LAMA2: variants seen among roughly 807,000 people sequenced by gnomAD.
LAMA2 encodes the protein laminin subunit alpha-2.
Under a neutral mutation model 364.8 loss-of-function variants are expected in LAMA2, and 269 were observed. The observed-to-expected ratio is 0.74, with a 90% CI of 0.67 to 0.82. The LOEUF (loss-of-function observed/expected upper bound fraction) is 0.82. LAMA2 is among the 40% of genes least tolerant of loss of function. The pLI is 0.00. For synonymous variants in LAMA2, 1,379 were observed against 1,370.6 expected, an observed-to-expected ratio of 1.01 and a Z score of -0.14; for missense variants, 3,807 against 3,873.2, an observed-to-expected ratio of 0.98 and a Z score of 0.45.
intron 34 of LAMA2, among the ~76,000 whole-genome samples, chr6:129,370,607 C>A (rs1221735246): frequency 6.6e-6 from 1 of 152,100 alleles, no homozygotes; most frequent in African/African-American, 2.4e-5. Flanking sequence ...CATCTTGTGG[C>A]CAGAAATATG....
chr6:129,200,506 G>GTGTATGTACACATATATA, intron 12 of LAMA2, among the ~76,000 whole-genome samples: 1 of 150,562 alleles, frequency 6.6e-6, no homozygotes, highest in East Asian at 2.0e-4. Context: ...ACATATATAT[G>GTGTATGTACACATATATA]TGTGTGTATA....
In LAMA2 at chr6:129,315,783, C is replaced by T. The variant is rs747856074; in HGVS notation, c.3757C>T (p.Leu1253Phe). 2.5e-6 allele frequency: 4 copies of T among 1,614,112 alleles called. No individual in the cohort carries two copies. Among genetic ancestry groups the T allele is most frequent in the Non-Finnish European group, 3.4e-6 (4 of 1,180,032 alleles). ...TCAGTTGATGGCCTATGGGGGCAAA[C>T]TCAAGTATGCAATCTATTTCGAGGC... ...GKKLMAYGGK[L>F]KYAIYFEARE... Residue 1253 changes from leucine to phenylalanine, a missense_variant, in exon 26 of 65, where the codon CTC (leucine) becomes TTC (phenylalanine). By Grantham distance (22) the Leu-to-Phe change is conservative (BLOSUM62 0). Coordinates refer to ENST00000421865, the MANE Select transcript of LAMA2 (RefSeq NM_000426.4).
intron 9 of LAMA2, 62 bp downstream of exon 9, chr6:129,165,737 T>A (rs1779709819): frequency 4.1e-6 from 4 of 967,500 alleles, no homozygotes; most frequent in Non-Finnish European, 6.7e-6. Context: ...CAAATATGAT[T>A]ATTTTCAGAA....
intron 46 of LAMA2, 110 bp downstream of exon 46, chr6:129,453,241 T>C (rs1782779874): frequency 8.7e-6 from 9 of 1,035,922 alleles, no homozygotes; most frequent in Non-Finnish European, 1.3e-5. Context: ...TGGTCTAACG[T>C]AGGCTTTCAG....
chr6:129,029,271 C>T (rs1786055222), intron 1 of LAMA2, among the ~76,000 whole-genome samples: 2 of 151,802 alleles, frequency 1.3e-5, no homozygotes, highest in Admixed American at 1.3e-4. Flanking sequence ...CATTATACAT[C>T]AGCAATGAAG....
intron 37 of LAMA2, among the ~76,000 whole-genome samples, chr6:129,396,523 G>A (rs1275286226): frequency 1.3e-5 from 2 of 152,146 alleles, no homozygotes; most frequent in Admixed American, 6.5e-5. Context: ...GAAGGCTCTG[G>A]AATTTGGAGC....
chr6:129,185,002 C>T (rs1781149477), intron 10 of LAMA2, among the ~76,000 whole-genome samples: 2 of 151,852 alleles, frequency 1.3e-5, no homozygotes, highest in Non-Finnish European at 2.9e-5. Flanking sequence ...CTTTTGTTAA[C>T]TTATTTTAAT....
In LAMA2 at chr6:129,507,601, A is replaced by T; in HGVS notation, c.8816A>T (p.Gln2939Leu). ...GTTGGGACATGTTTTGCAAATGCTC[A>T]GAGGGGAACATATTTTGACGGAACC... Reference protein sequence around the residue: ...FHVGTCFANAQRGTYFDGTGF... With the variant: ...FHVGTCFANALRGTYFDGTGF... Residue 2939 changes from glutamine (Q) to leucine (L), a missense_variant, in exon 62 of 65, where the codon CAG becomes CTG. Physicochemically the swap from Gln to Leu is moderately radical, Grantham distance 113 (BLOSUM62 -2). Coordinates refer to ENST00000421865, the MANE Select transcript of LAMA2 (RefSeq NM_000426.4). 6.2e-7 allele frequency: 1 copy of T among 1,614,214 alleles called. No individual in the cohort carries two copies. Among genetic ancestry groups the T allele is most frequent in the Non-Finnish European group, 8.5e-7 (1 of 1,180,012 alleles).
intron 40 of LAMA2, among the ~76,000 whole-genome samples, chr6:129,417,488 C>A (rs953891825): frequency 6.6e-6 from 1 of 151,952 alleles, no homozygotes; most frequent in Non-Finnish European, 1.5e-5. Context: ...CATGAGCTGG[C>A]CCAAAAAAAG....
chr6:129,454,091 C>T (rs1782830830), intron 46 of LAMA2, 64 bp from the exon 47 acceptor site: 1 of 1,400,672 alleles, frequency 7.1e-7, no homozygotes, highest in Non-Finnish European at 1.0e-6. Flanking sequence ...AAACACTCTG[C>T]TGGTCTCCTC....
At chr6:129,082,313 T>C (rs1302584035) in intron 3 of LAMA2, among the ~76,000 whole-genome samples, 1 of 152,092 alleles carries the variant, frequency 6.6e-6, no homozygotes, top group Non-Finnish European at 1.5e-5. Context: ...CTTTCTTAAT[T>C]ATATTCTCTC....
chr6:129,059,908 C>G lies in LAMA2; in HGVS notation c.396+12C>G. The G allele has an allele frequency of 7.1e-7, 1 of 1,407,526 alleles. No individual in the cohort carries two copies. The highest frequency in any genetic ancestry group is 1.0e-6 in the Non-Finnish European group (1 of 991,624). 87.2% of individuals were successfully genotyped at this position (1,407,526 alleles called of 1,614,324 possible). On this transcript the variant is annotated intron_variant, in intron 3 of 64. Transcript: ENST00000421865. ...TGGATTTACAGCAGGTATAGTTCCT[C>G]TTTTTTTGTCATTTCCACTTTTGAA...
At chr6:129,088,201 C>T (rs1446373619) in intron 3 of LAMA2, among the ~76,000 whole-genome samples, 1 of 150,268 alleles carries the variant, frequency 6.7e-6, no homozygotes, top group Non-Finnish European at 1.5e-5. Context: ...TCAGAGAGCA[C>T]GGGGTTGGGA....
chr6:129,062,533 T>G (rs1041817389), intron 3 of LAMA2, among the ~76,000 whole-genome samples: 3 of 152,160 alleles, frequency 2.0e-5, no homozygotes, highest in Non-Finnish European at 4.4e-5. Context: ...ACAACCTGTT[T>G]CGTTATAAAG....
chr6:129,337,814 T>G (rs986317630), intron 29 of LAMA2, among the ~76,000 whole-genome samples: 3 of 152,172 alleles, frequency 2.0e-5, no homozygotes, highest in Admixed American at 6.5e-5. Context: ...AGAATATAAT[T>G]AAACTTCTCA....
At chr6:129,462,213 G>A (rs1047936768) in intron 49 of LAMA2, among the ~76,000 whole-genome samples, 13 of 151,950 alleles carry the variant, frequency 8.6e-5, no homozygotes, top group Admixed American at 8.5e-4. Context: ...AAGATGCAGT[G>A]GCCACATAGG....
chr6:128,932,334 G>T (rs540017038), intron 1 of LAMA2, among the ~76,000 whole-genome samples: 1 of 152,264 alleles, frequency 6.6e-6, no homozygotes, highest in African/African-American at 2.4e-5. Context: ...CACTAGTGAC[G>T]CATTAGAGCC....
chr6:129,135,409 C>T (rs1777731001), intron 4 of LAMA2, among the ~76,000 whole-genome samples: 1 of 152,184 alleles, frequency 6.6e-6, no homozygotes, highest in Non-Finnish European at 1.5e-5. Flanking sequence ...TGGGCACATT[C>T]AGTGAATTCA....
At chr6:129,083,521 C>T (rs1774191028) in intron 3 of LAMA2, among the ~76,000 whole-genome samples, 1 of 152,154 alleles carries the variant, frequency 6.6e-6, no homozygotes, top group Non-Finnish European at 1.5e-5. Flanking sequence ...GTTCTTTATT[C>T]ATTGCAATAA....
Sources: gnomAD v4.1 joint callset for allele counts (sites outside exome capture counted in the v4.1 genomes callset) on GRCh38, gnomAD v4.1.1 for gene constraint, MANE v1.5 for transcripts, NCBI Gene and HGNC (gene_info 2026-07-23, HGNC 2026-07-21) for gene names.